The following CAMTA1 variants were observed in gnomAD, a reference collection of about 807,000 sequenced individuals.
CAMTA1 encodes calmodulin-binding transcription activator 1.
A neutral mutation model predicts 170.9 loss-of-function variants in CAMTA1; 27 were observed. That is an observed-to-expected ratio of 0.16 (90% CI 0.12 to 0.22). The LOEUF is 0.22. Among genes scored for constraint, CAMTA1 ranks in the 10% least tolerant of loss-of-function variants. CAMTA1 has a pLI of 1.00. For synonymous variants in CAMTA1, 833 were observed against 891.5 expected (o/e 0.93, Z 1.17); for missense variants, 1,619 against 2,217.2 (o/e 0.73, Z 5.42).
Position 7,233,524 on chromosome 1 carries a change from TAAGTG to T in CAMTA1, c.303-15962_303-15958del, listed in dbSNP as rs1663228244. The stretch of plus-strand genomic sequence containing the variant: ...CACTGACCAAATGCTTTCAGCGTAA[TAAGTG>T]AAGTTTTCTATTTTTAAGAAAAGTT... On this transcript the variant is annotated intron_variant, in intron 4 of 22. Coordinates refer to ENST00000303635, the MANE Select transcript of CAMTA1 (RefSeq NM_015215.4). 2.0e-5 allele frequency among the ~76,000 whole-genome samples: 3 copies of T among 152,256 alleles called. No individual in the cohort carries two copies. The South Asian group carries it at 6.2e-4, about 32-fold the overall frequency.
chr1:7,654,061 T>C (rs935951101), intron 7 of CAMTA1, among the ~76,000 whole-genome samples: 2 of 152,072 alleles, frequency 1.3e-5, no homozygotes, highest in African/African-American at 2.4e-5. Context: ...TGAGCTGGGC[T>C]GTGCTGGAAA....
At chr1:6,802,670 G>T (rs1359623948) in intron 1 of CAMTA1, among the ~76,000 whole-genome samples, 4 of 152,176 alleles carry the variant, frequency 2.6e-5, no homozygotes, top group Non-Finnish European at 5.9e-5. Flanking sequence ...GCCAGCCTGG[G>T]TGTGTGTGGA....
chr1:6,965,263 CT>C lies in CAMTA1; in HGVS notation c.235-126040del, dbSNP rs756108009. On this transcript the variant is annotated intron_variant, in intron 3 of 22. Transcript: ENST00000303635. This position sits in a 1 kb window ranked among gnomAD's most constrained non-coding sequence, Gnocchi z 4.1. ...TGTGCATGTGTGTGGGCACGTGCTC[CT>C]GGGGGCATGCACATGTTTAAGTGTG... Among the ~76,000 whole-genome samples the C allele has an allele frequency of 6.6e-6, 1 of 151,606 alleles. No homozygotes were observed. The highest frequency in any genetic ancestry group is 1.5e-5 in the Non-Finnish European group (1 of 67,878).
chr1:7,279,388 C>G (rs1671186417), intron 5 of CAMTA1, among the ~76,000 whole-genome samples: 1 of 152,108 alleles, frequency 6.6e-6, no homozygotes, highest in African/African-American at 2.4e-5. Flanking sequence ...TTTCTTCTCC[C>G]TGTGCTAACA....
intron 3 of CAMTA1, among the ~76,000 whole-genome samples, chr1:7,059,048 G>A (rs987279579): frequency 2.0e-5 from 3 of 152,180 alleles, no homozygotes; most frequent in Non-Finnish European, 4.4e-5. Context: ...AGGGTGCAAC[G>A]TCTGGGCCAC....
At chr1:7,003,549 C>T (rs1468767527) in intron 3 of CAMTA1, among the ~76,000 whole-genome samples, 2 of 152,198 alleles carry the variant, frequency 1.3e-5, no homozygotes, top group African/African-American at 2.4e-5. Flanking sequence ...AATCCCAGCA[C>T]TTACCAGTAC....
At chr1:7,188,582 C>A (rs1322790394) in intron 4 of CAMTA1, among the ~76,000 whole-genome samples, 1 of 152,188 alleles carries the variant, frequency 6.6e-6, no homozygotes, top group African/African-American at 2.4e-5. Flanking sequence ...CCTTTTGTGG[C>A]AGACATATTT....
intron 6 of CAMTA1, among the ~76,000 whole-genome samples, chr1:7,522,327 G>A (rs745728437): frequency 4.6e-5 from 7 of 152,094 alleles, no homozygotes; most frequent in Non-Finnish European, 7.3e-5. Context: ...TCTTTTGCCC[G>A]TTTTCTAATG....
chr1:7,663,254 C>A, intron 8 of CAMTA1, 99 bp from the exon 9 acceptor site: 1 of 1,443,674 alleles, frequency 6.9e-7, no homozygotes, highest in Non-Finnish European at 9.2e-7. Context: ...TGGGGCAGGT[C>A]CACCACGGTC....
At chr1:7,091,172 ATT>A (rs1641422282) in intron 3 of CAMTA1, 130 bp from the exon 4 acceptor site, 2 of 700,300 alleles carry the variant, frequency 2.9e-6, no homozygotes, top group African/African-American at 3.6e-5. Flanking sequence ...CAAGTCGAGT[ATT>A]TCTCTAGCAG....
rs528556825 is a variant in CAMTA1, at chr1:7,311,912, G to C, written c.438+62286G>C. 1.0e-3 allele frequency among the ~76,000 whole-genome samples: 156 copies of C among 152,276 alleles called. 1 individual carries two copies. The highest frequency in any genetic ancestry group is 3.6e-3 in the African/African-American group (148 of 41,554). Reference sequence around the variant, plus strand: ...TGGGTGTAGGTTATCCCGTAGTTCAGTTCTCAAAGTCTTTGGCATGCTGTT... The same window carrying C: ...TGGGTGTAGGTTATCCCGTAGTTCACTTCTCAAAGTCTTTGGCATGCTGTT... On this transcript the variant is annotated intron_variant, in intron 5 of 22. Transcript: ENST00000303635.
intron 6 of CAMTA1, among the ~76,000 whole-genome samples, chr1:7,526,163 G>C (rs891360482): frequency 6.6e-6 from 1 of 152,090 alleles, no homozygotes; most frequent in South Asian, 2.1e-4. Flanking sequence ...ACTGCAAGCA[G>C]AAGGAGAAGG....
chr1:7,372,759 G>A (rs139329060), intron 5 of CAMTA1, among the ~76,000 whole-genome samples: 55 of 152,326 alleles, frequency 3.6e-4, no homozygotes, highest in African/African-American at 1.2e-3. Context: ...CAGAAGTGAT[G>A]CACAGAGAGA....
In CAMTA1 at chr1:7,537,492, G is replaced by A. The variant is rs769212333; in HGVS notation, c.510+69591G>A. Among the ~76,000 whole-genome samples the A allele has an allele frequency of 1.2e-3, 181 of 152,326 alleles. 1 individual carries two copies. The highest frequency in any genetic ancestry group is 2.3e-3 in the Non-Finnish European group (157 of 68,034). On this transcript the variant is annotated intron_variant, in intron 6 of 22. Transcript: ENST00000303635. ...TCCTAACAACCCTTCTCCAAAAGGC[G>A]TCTGTGCACAGCGGGGCTGACTCTC... is the stretch of plus-strand genomic sequence containing the variant.
At chr1:7,692,730 C>T (rs1231044598) in intron 11 of CAMTA1, among the ~76,000 whole-genome samples, 3 of 152,162 alleles carry the variant, frequency 2.0e-5, no homozygotes, top group African/African-American at 7.2e-5. Context: ...AGGCACCTCA[C>T]CCCCAAACTG....
chr1:6,962,892 C>G (rs1690742294), intron 3 of CAMTA1, among the ~76,000 whole-genome samples: 1 of 149,540 alleles, frequency 6.7e-6, no homozygotes, highest in Non-Finnish European at 1.5e-5. Flanking sequence ...CCCTCCATCC[C>G]TTTTGGTCCC....
At chr1:7,274,658 A>C (rs1670321357) in intron 5 of CAMTA1, among the ~76,000 whole-genome samples, 1 of 152,192 alleles carries the variant, frequency 6.6e-6, no homozygotes, top group African/African-American at 2.4e-5. Flanking sequence ...CACATAGAAC[A>C]TTTATTAATA....
At chr1:7,253,058 A>G (rs1047594006) in intron 5 of CAMTA1, among the ~76,000 whole-genome samples, 4 of 152,132 alleles carry the variant, frequency 2.6e-5, no homozygotes, top group Non-Finnish European at 4.4e-5. Flanking sequence ...CTAGCTCGAT[A>G]AGGTTTCCAG....
chr1:6,901,713 C>T (rs1331656619), intron 3 of CAMTA1, among the ~76,000 whole-genome samples: 1 of 152,068 alleles, frequency 6.6e-6, no homozygotes, highest in Non-Finnish European at 1.5e-5. Context: ...ACCAAAAAGA[C>T]CCTGGTAATA....
Sources: gnomAD v4.1 joint callset for allele counts (sites outside exome capture counted in the v4.1 genomes callset) on GRCh38, gnomAD v4.1.1 for gene constraint, Gnocchi (gnomAD v3.1) non-coding constraint, MANE v1.5 for transcripts, NCBI Gene and HGNC (gene_info 2026-07-23, HGNC 2026-07-21) for gene names.